The following SI variants were observed in gnomAD, a reference collection of about 807,000 sequenced individuals.
SI encodes sucrase-isomaltase, intestinal.
Under a neutral mutation model 253.3 loss-of-function variants are expected in SI, and 235 were observed. That is an observed-to-expected ratio of 0.93 (90% CI 0.83 to 1.03). SI has a LOEUF of 1.03. SI is among the 50% of genes least tolerant of loss of function. SI has a pLI of 0.00. For missense variants in SI, 2,442 were observed against 2,211.1 expected (o/e 1.10, Z -2.09); for synonymous variants, 819 against 712.0 (o/e 1.15, Z -2.39).
chr3:165,082,236 T>C (rs987573019), upstream of SI, among the ~76,000 whole-genome samples: 6 of 151,954 alleles, frequency 3.9e-5, no homozygotes, highest in East Asian at 1.9e-4. Context: ...TAATTCCTTT[T>C]TGTTAAGCGT....
intron 12 of SI, 39 bp from the exon 13 acceptor site, chr3:165,055,346 A>G: frequency 9.5e-7 from 1 of 1,052,008 alleles, no homozygotes; most frequent in Non-Finnish European, 1.5e-6. Flanking sequence ...CATAAAAAAT[A>G]GAAAAATAAA....
chr3:165,018,732 C>T (rs1300966952), intron 28 of SI, among the ~76,000 whole-genome samples: 1 of 151,036 alleles, frequency 6.6e-6, no homozygotes, highest in Non-Finnish European at 1.5e-5. Flanking sequence ...TTTTAGATAT[C>T]AAGAATCAAA....
the SI span, among the ~76,000 whole-genome samples, chr3:165,084,601 A>T: frequency 6.6e-6 from 1 of 151,950 alleles, no homozygotes; most frequent in South Asian, 2.1e-4. Context: ...ATCACTATAA[A>T]TATTATAAAT....
chr3:165,018,118 A>G (rs754157216), intron 28 of SI, 52 bp from the exon 29 acceptor site: 7 of 1,019,888 alleles, frequency 6.9e-6, no homozygotes, highest in Non-Finnish European at 1.1e-5. Flanking sequence ...TAGCATGTGA[A>G]TTTAATCAAT....
chr3:165,007,833 T>A, intron 36 of SI, 78 bp downstream of exon 36: 1 of 505,522 alleles, frequency 2.0e-6, no homozygotes, highest in Non-Finnish European at 3.6e-6. Context: ...CTAACTGATA[T>A]ATATCAGTTT....
intron 3 of SI, among the ~76,000 whole-genome samples, chr3:165,070,114 T>C (rs1374655977): frequency 6.8e-6 from 1 of 146,800 alleles, no homozygotes; most frequent in Non-Finnish European, 1.5e-5. Flanking sequence ...TTTTATATAA[T>C]ATTTAAATAG....
At position 165,059,942 on chromosome 3, in the gene SI, T is replaced by C. The variant is rs756534501; in HGVS notation, c.1106A>G (p.Lys369Arg). The C allele has an allele frequency of 1.2e-5, 20 of 1,611,962 alleles. No homozygotes were observed. The highest frequency in any genetic ancestry group is 1.7e-5 in the Non-Finnish European group (20 of 1,178,566). ...TTCCCGGTTTCTCCTTACCACTTCTTTCACTACATCTAGTGACTTATAATT... is the reference window on the plus strand; with the variant it reads ...TTCCCGGTTTCTCCTTACCACTTCTCTCACTACATCTAGTGACTTATAATT... ...RWNYKSLDVV[K>R]EVVRRNREAG... Residue 369 changes from lysine to arginine, a missense_variant, in exon 10 of 48, where the codon AAA (lysine) becomes AGA (arginine). Lys to Arg is a conservative substitution (Grantham distance 26, BLOSUM62 2). Coordinates refer to ENST00000264382, the MANE Select transcript of SI (RefSeq NM_001041.4).
chr3:165,049,611 G>T (rs1337378998), intron 14 of SI, among the ~76,000 whole-genome samples, 180 bp downstream of exon 14: 1 of 151,834 alleles, frequency 6.6e-6, no homozygotes, highest in Admixed American at 6.6e-5. Flanking sequence ...TACTAGATTT[G>T]TCTATTTAAA....
intron 47 of SI, 39 bp from the exon 48 acceptor site, chr3:164,979,469 C>G: frequency 8.9e-7 from 1 of 1,122,436 alleles, no homozygotes; most frequent in Non-Finnish European, 1.3e-6. Flanking sequence ...TTAATCACAA[C>G]CACATTTTTC....
At chr3:165,055,075 T>C (rs1713630349) in intron 13 of SI, 119 bp downstream of exon 13, 5 of 653,982 alleles carry the variant, frequency 7.6e-6, no homozygotes, top group East Asian at 2.7e-5. Context: ...AACATTATAG[T>C]AGCTTTAAAT....
intron 32 of SI, among the ~76,000 whole-genome samples, chr3:165,015,608 T>C (rs1466113942): frequency 6.6e-6 from 1 of 152,026 alleles, no homozygotes; most frequent in Admixed American, 6.6e-5. Context: ...TCAGAAGCAA[T>C]CCCAGAGAAT....
rs1441981061 is a variant in SI, at chr3:165,049,143, C to T, written c.1699G>A (p.Ala567Thr). The T allele has an allele frequency of 3.8e-6, 6 of 1,580,048 alleles. No homozygotes were observed. The highest frequency in any genetic ancestry group is 1.7e-5 in the Admixed American group (1 of 59,938). Residue 567 changes from alanine (A) to threonine (T), a missense_variant, in exon 15 of 48, where the codon GCT becomes ACT. Physicochemically the swap from Ala to Thr is moderately conservative, Grantham distance 58. Coordinates refer to ENST00000264382, the MANE Select transcript of SI (RefSeq NM_001041.4). ...DVHSLYGYSM[A>T]IATEQAVQKV... ...TGCACTTACTGCTCTGTGGCTATAGCCATGCTGTATCCATAGAGGCTATGA... is the reference window on the plus strand; with the variant it reads ...TGCACTTACTGCTCTGTGGCTATAGTCATGCTGTATCCATAGAGGCTATGA...
Position 165,043,083 on chromosome 3 carries a change from T to C in SI, c.1980A>G (p.Arg660=), listed in dbSNP as rs1712930642. Residue 660 remains arginine (R), a synonymous_variant, in exon 17 of 48, where the codon AGA becomes AGG. Coordinates refer to ENST00000264382, the MANE Select transcript of SI (RefSeq NM_001041.4). ...CTTCATATCCGTCAGAATTATGGTT[T>C]CTGGAAAATGGATAAAATGCCCCAA... The part of the protein sequence containing the change: ...MQLGAFYPFS[R]NHNSDGYEHQ... 2 of 1,610,766 alleles carry C rather than the reference T, an allele frequency of 1.2e-6. No homozygotes were observed. Among genetic ancestry groups the C allele is most frequent in the Non-Finnish European group, 8.5e-7 (1 of 1,177,374 alleles).
intron 12 of SI, 63 bp downstream of exon 12, chr3:165,058,900 A>ACT: frequency 7.2e-7 from 1 of 1,389,752 alleles, no homozygotes; most frequent in Non-Finnish European, 1.0e-6. Flanking sequence ...ACATCCACAG[A>ACT]AACTTTATTA....
intron 1 of SI, among the ~76,000 whole-genome samples, chr3:165,077,767 T>C (rs1715096370): frequency 6.6e-6 from 1 of 151,584 alleles, no homozygotes; most frequent in Non-Finnish European, 1.5e-5. Context: ...TGCTTTCCTT[T>C]TTGATAAGGG....
intron 25 of SI, among the ~76,000 whole-genome samples, chr3:165,025,674 G>T (rs968753496): frequency 6.6e-6 from 1 of 151,310 alleles, no homozygotes; most frequent in African/African-American, 2.4e-5. Flanking sequence ...AGGGATTGGG[G>T]CGCTGTCTTC....
At chr3:165,014,332 T>C (rs1431494424) in intron 33 of SI, among the ~76,000 whole-genome samples, 2 of 152,038 alleles carry the variant, frequency 1.3e-5, no homozygotes, top group African/African-American at 4.8e-5. Context: ...CACTGCAAGC[T>C]CCGCCTCCCG....
intron 7 of SI, among the ~76,000 whole-genome samples, chr3:165,064,078 A>G (rs1714107298): frequency 6.6e-6 from 1 of 151,442 alleles, no homozygotes; most frequent in Admixed American, 6.6e-5. Context: ...TCAAAAATAA[A>G]TAAATAAAAT....
chr3:165,046,909 C>G lies in SI; in HGVS notation c.1819G>C (p.Ala607Pro). The G allele has an allele frequency of 6.2e-7, 1 of 1,613,180 alleles. No individual in the cohort carries two copies. Among genetic ancestry groups the G allele is most frequent in the Non-Finnish European group, 8.5e-7 (1 of 1,179,464 alleles). ...HAAHWLGDNT[A>P]SWEQMEWSIT... The stretch of plus-strand genomic sequence containing the variant: ...GACCATTCCATTTGTTCCCATGAAG[C>G]AGTATTGTCTCCTAACCAATGCGCA... The change falls in exon 16 of 48, where the codon GCT becomes CCT. Residue 607 changes from alanine to proline, a missense_variant. Ala to Pro is a conservative substitution (Grantham distance 27). Coordinates refer to ENST00000264382, the MANE Select transcript of SI (RefSeq NM_001041.4).
Sources: allele counts gnomAD v4.1 joint callset (sites outside exome capture counted in the v4.1 genomes callset), GRCh38; gene constraint gnomAD v4.1.1; transcripts MANE v1.5; gene names NCBI Gene and HGNC (gene_info 2026-07-23, HGNC 2026-07-21).